HYDIN: variants seen among roughly 807,000 people sequenced by gnomAD.
HYDIN encodes HYDIN axonemal central pair apparatus protein, also known as axonemal central pair apparatus protein HYDIN.
A neutral mutation model predicts 403.9 loss-of-function variants in HYDIN; 132 were observed. That is an observed-to-expected ratio of 0.33 (90% CI 0.28 to 0.38). HYDIN has a LOEUF of 0.38. HYDIN is among the 10% of genes least tolerant of loss of function. HYDIN has a pLI of 1.00. For missense variants in HYDIN, 2,827 were observed against 5,009.5 expected, an observed-to-expected ratio of 0.56 and a Z score of 13.15; for synonymous variants, 1,202 against 1,891.7, an observed-to-expected ratio of 0.64 and a Z score of 9.46.
chr16:71,187,031 C>T (rs1014724454), intron 1 of HYDIN, 113 bp from the exon 2 acceptor site: 22 of 620,370 alleles, frequency 3.5e-5, no homozygotes, highest in Admixed American at 1.5e-4. Context: ...ACTGATCTTC[C>T]GAAATCCAAA....
In HYDIN at chr16:71,056,106, C is replaced by T. The variant is rs184049212; in HGVS notation, c.2529+4398G>A. ...CTGCCAACAGGGCCTTTCCATTCTC[C>T]GTTCCCACATTCTGAGATTTGTTTT... On this transcript the variant is annotated intron_variant, in intron 18 of 85. Coordinates refer to ENST00000393567, the MANE Select transcript of HYDIN (RefSeq NM_001270974.2). 6.1e-4 allele frequency among the ~76,000 whole-genome samples: 92 copies of T among 150,876 alleles called. 1 individual carries two copies. The East Asian group carries it at 0.015, about 25-fold the overall frequency.
chr16:71,210,572 G>C (rs1169703358), intron 1 of HYDIN, among the ~76,000 whole-genome samples: 2 of 152,118 alleles, frequency 1.3e-5, no homozygotes, highest in African/African-American at 4.8e-5. Flanking sequence ...CTTAGAACCA[G>C]GGTGATGAAA....
intron 19 of HYDIN, among the ~76,000 whole-genome samples, chr16:71,031,068 T>C (rs1259308264): frequency 6.7e-6 from 1 of 149,616 alleles, no homozygotes; most frequent in African/African-American, 2.5e-5. Context: ...GGCGTGGTGG[T>C]GGGCACCTGT....
Position 71,186,650 on chromosome 16 carries a change from A to G in HYDIN, c.135+111T>C, listed in dbSNP as rs1023239371. On this transcript the variant is annotated intron_variant, in intron 2 of 85. Transcript: ENST00000393567. ...AAGCTACCATTATAACTAAATTGAT[A>G]TTAATCAGTCAGTAATTCTGTTTGG... The G allele has an allele frequency of 4.9e-6, 4 of 824,424 alleles. 1 individual carries two copies. Among genetic ancestry groups the G allele is most frequent in the Middle Eastern group, 2.5e-4 (1 of 3,924 alleles). The allele number at this position is 824,424 out of a possible 1,614,324, so 51.1% of individuals were successfully genotyped here.
At chr16:71,015,963 A>G (rs986295650) in intron 23 of HYDIN, among the ~76,000 whole-genome samples, 1 of 152,018 alleles carries the variant, frequency 6.6e-6, no homozygotes, top group Non-Finnish European at 1.5e-5. Context: ...GTCTATACAT[A>G]TACATAAATG....
intron 84 of HYDIN, among the ~76,000 whole-genome samples, chr16:70,812,017 A>G (rs1416598420): frequency 1.0e-5 from 1 of 96,916 alleles, no homozygotes; most frequent in Non-Finnish European, 2.1e-5. Flanking sequence ...CAAGGATGAA[A>G]GAATACTAGT....
intron 18 of HYDIN, among the ~76,000 whole-genome samples, chr16:71,042,280 C>T (rs1466122990): frequency 1.6e-4 from 25 of 152,334 alleles, no homozygotes; most frequent in Non-Finnish European, 3.5e-4. Flanking sequence ...TCCCATTGCA[C>T]GAATCCTTAC....
At chr16:70,944,359 AG>A (rs1347266811) in intron 41 of HYDIN, among the ~76,000 whole-genome samples, 3 of 152,380 alleles carry the variant, frequency 2.0e-5, no homozygotes, top group Admixed American at 1.3e-4. Context: ...ATACAATTTC[AG>A]AAAGTGATGA....
intron 73 of HYDIN, among the ~76,000 whole-genome samples, chr16:70,851,331 C>T (rs1472072954): frequency 1.3e-5 from 2 of 151,192 alleles, no homozygotes; most frequent in South Asian, 4.2e-4. Flanking sequence ...ATGCATCTGA[C>T]ACAGGTCTAA....
intron 71 of HYDIN, among the ~76,000 whole-genome samples, chr16:70,859,545 TCTCTG>T (rs2039271901): frequency 6.6e-6 from 1 of 152,102 alleles, no homozygotes; most frequent in African/African-American, 2.4e-5. Flanking sequence ...TCTTCAAGAT[TCTCTG>T]CAACTGGCTG....
intron 7 of HYDIN, among the ~76,000 whole-genome samples, chr16:71,137,672 G>A (rs2084983760): frequency 6.6e-6 from 1 of 151,972 alleles, no homozygotes; most frequent in South Asian, 2.1e-4. Context: ...GAGAGCAATC[G>A]AGTTATAGAA....
At position 70,807,956 on chromosome 16, in the gene HYDIN, C is replaced by A; in HGVS notation, c.14990G>T (p.Gly4997Val). 5.6e-6 allele frequency: 9 copies of A among 1,614,144 alleles called. No individual in the cohort carries two copies. Among genetic ancestry groups the A allele is most frequent in the Non-Finnish European group, 7.6e-6 (9 of 1,180,036 alleles). The change falls in exon 86 of 86, where the codon GGT becomes GTT. Residue 4997 changes from glycine to valine, a missense_variant. Coordinates refer to ENST00000393567, the MANE Select transcript of HYDIN (RefSeq NM_001270974.2). Reference sequence around the variant, plus strand: ...TAGGATCAGGATGCCCTTGGTCTCACCCAGGTGGCTGGGCTCGAATAAGAC... The same window carrying A: ...TAGGATCAGGATGCCCTTGGTCTCAACCAGGTGGCTGGGCTCGAATAAGAC... ...VEVLFEPSHL[G>V]ETKGILILSS...
intron 77 of HYDIN, among the ~76,000 whole-genome samples, chr16:70,836,562 AG>A (rs2037438341): frequency 6.6e-6 from 1 of 152,218 alleles, no homozygotes; most frequent in Admixed American, 6.5e-5. Context: ...CCAAGTCCTC[AG>A]GTAAGACACT....
chr16:71,108,183 G>C (rs2083687557), intron 10 of HYDIN, among the ~76,000 whole-genome samples: 1 of 152,164 alleles, frequency 6.6e-6, no homozygotes, highest in Non-Finnish European at 1.5e-5. Context: ...CGGAGGGTGA[G>C]AGGAGGAAGA....
At chr16:71,077,604 A>G (rs4788518) in intron 13 of HYDIN, among the ~76,000 whole-genome samples, 2 of 151,346 alleles carry the variant, frequency 1.3e-5, no homozygotes, top group East Asian at 1.9e-4. Context: ...TTATTTTCTT[A>G]TCACAATGGC....
At chr16:71,053,466 T>C (rs2081737503) in intron 18 of HYDIN, among the ~76,000 whole-genome samples, 1 of 152,098 alleles carries the variant, frequency 6.6e-6, no homozygotes, top group Non-Finnish European at 1.5e-5. Flanking sequence ...GTAAATGGAG[T>C]ATCCACAGCA....
At chr16:71,132,003 T>A (rs541152838) in intron 8 of HYDIN, 1 of 150,688 alleles carries the variant, frequency 6.6e-6, no homozygotes, top group African/African-American at 2.5e-5. Context: ...ATCCCACTTT[T>A]GTAATAAAAA....
chr16:71,213,606 G>C (rs1398034530), intron 1 of HYDIN, among the ~76,000 whole-genome samples: 1 of 152,080 alleles, frequency 6.6e-6, no homozygotes, highest in East Asian at 1.9e-4. Flanking sequence ...ATTGAAATAT[G>C]TTGAATTTTA....
intron 23 of HYDIN, among the ~76,000 whole-genome samples, chr16:71,002,541 GACCCTGTCTGTT>G (rs1240943349): frequency 1.4e-5 from 2 of 143,494 alleles, no homozygotes; most frequent in Non-Finnish European, 3.0e-5. Context: ...AGCAAAGTGA[GACCCTGTCTGTT>G]AAAAAAAAAA....
Sources: allele counts gnomAD v4.1 joint callset (sites outside exome capture counted in the v4.1 genomes callset), GRCh38; gene constraint gnomAD v4.1.1; transcripts MANE v1.5; gene names NCBI Gene and HGNC (gene_info 2026-07-23, HGNC 2026-07-21).